The following ADGRL3 variants were observed in gnomAD, a reference collection of about 807,000 sequenced individuals.
The protein encoded by ADGRL3 is calcium-independent alpha-latrotoxin receptor 3.
In ADGRL3, 62 loss-of-function variants were observed where a neutral mutation model predicts 153.5. That is an observed-to-expected ratio of 0.40 (90% confidence interval 0.33 to 0.50). ADGRL3 has a LOEUF of 0.50. Among genes scored for constraint, ADGRL3 ranks in the 20% least tolerant of loss-of-function variants. The pLI is 0.47. For missense variants in ADGRL3, 1,641 were observed against 1,859.4 expected (o/e 0.88, Z 2.16); for synonymous variants, 710 against 672.5 (o/e 1.06, Z -0.86).
chr4:61,869,403 C>A (rs2098422232), intron 9 of ADGRL3, among the ~76,000 whole-genome samples: 1 of 150,506 alleles, frequency 6.6e-6, no homozygotes, highest in African/African-American at 2.4e-5. Context: ...TCGAGACCAT[C>A]CTGGCTAACA....
At chr4:61,910,757 T>A (rs1560362987) in intron 12 of ADGRL3, among the ~76,000 whole-genome samples, 1 of 151,750 alleles carries the variant, frequency 6.6e-6, no homozygotes, top group South Asian at 2.1e-4. Context: ...AAAATGACTC[T>A]GCAAAGTAGT....
At chr4:61,915,890 A>G (rs1224432363) in intron 13 of ADGRL3, among the ~76,000 whole-genome samples, 1 of 152,046 alleles carries the variant, frequency 6.6e-6, no homozygotes, top group African/African-American at 2.4e-5. Flanking sequence ...AAATAAGATG[A>G]TTTCTAAGTC....
chr4:61,855,360 G>A (rs1023345839), intron 9 of ADGRL3, among the ~76,000 whole-genome samples: 6 of 152,076 alleles, frequency 3.9e-5, no homozygotes. Context: ...TCATGTAGTT[G>A]ACTTAGTTTT....
chr4:61,649,970 C>T (rs1428958339), intron 5 of ADGRL3, among the ~76,000 whole-genome samples: 2 of 152,032 alleles, frequency 1.3e-5, no homozygotes, highest in Admixed American at 1.3e-4. Flanking sequence ...TCAGTGTTGC[C>T]TAGACTTTAC....
In ADGRL3 at chr4:61,885,865, TAGAC is replaced by T. The variant is rs1394418157; in HGVS notation, c.1481-6788_1481-6785del. On this transcript the variant is annotated intron_variant, in intron 9 of 26. Transcript: ENST00000683033. ...CCAAAACTTGTTGGGAGTACTAAAT[TAGAC>T]AGCACATATGTAAAACATTCAGGAC... 5.9e-5 allele frequency among the ~76,000 whole-genome samples: 9 copies of T among 152,242 alleles called. No individual in the cohort carries two copies. In the East Asian group the frequency reaches 1.2e-3, roughly 20 times the overall value.
At chr4:61,340,822 GTGTT>G (rs1298715867) in intron 1 of ADGRL3, among the ~76,000 whole-genome samples, 10 of 150,534 alleles carry the variant, frequency 6.6e-5, no homozygotes, top group African/African-American at 2.4e-4. Context: ...TTATGTGTGT[GTGTT>G]TGTGTATATA....
chr4:61,736,930 G>A (rs1020487112), intron 8 of ADGRL3, among the ~76,000 whole-genome samples: 12 of 152,294 alleles, frequency 7.9e-5, no homozygotes, highest in African/African-American at 2.9e-4. Flanking sequence ...CAGTTTAGAG[G>A]TGGAAAGAAT....
At chr4:61,748,386 G>T (rs1397045271) in intron 8 of ADGRL3, among the ~76,000 whole-genome samples, 1 of 151,424 alleles carries the variant, frequency 6.6e-6, no homozygotes, top group Non-Finnish European at 1.5e-5. Context: ...AACCAAAAAA[G>T]AGCCTGCATT....
At chr4:61,247,781 A>C (rs1009452229) in intron 1 of ADGRL3, among the ~76,000 whole-genome samples, 2 of 152,036 alleles carry the variant, frequency 1.3e-5, no homozygotes, top group African/African-American at 4.8e-5. Context: ...TTAGATATTA[A>C]AATGATACTC....
In ADGRL3 at chr4:62,073,581, T is replaced by G; in HGVS notation, c.*2673T>G. ...CAACTCTATCAGTAAGAAGCTGGTT[T>G]CACAGAAAAATGGGGAAACTACCTC... is the stretch of plus-strand genomic sequence containing the variant. On this transcript the variant is annotated 3_prime_UTR_variant, in exon 27 of 27. Coordinates refer to ENST00000683033, the MANE Select transcript of ADGRL3 (RefSeq NM_001387552.1). 6.6e-6 allele frequency: 1 copy of G among 152,138 alleles called. No individual in the cohort carries two copies. Among genetic ancestry groups the G allele is most frequent in the East Asian group, 1.9e-4 (1 of 5,192 alleles). 9.4% of individuals were successfully genotyped at this position (152,138 alleles called of 1,614,324 possible). A position where few individuals can be genotyped will look rare whatever the true frequency, so the allele number is the denominator to read the frequency against.
chr4:61,579,095 G>C (rs1274610071), intron 4 of ADGRL3, among the ~76,000 whole-genome samples: 1 of 151,992 alleles, frequency 6.6e-6, no homozygotes, highest in African/African-American at 2.4e-5. Flanking sequence ...GCTTCTGCTA[G>C]ACTCTTGGAA....
At chr4:62,007,383 T>TATATATATATATATACACAC (rs71213024) in intron 21 of ADGRL3, among the ~76,000 whole-genome samples, 3 of 30,782 alleles carry the variant, frequency 9.7e-5, no homozygotes, top group South Asian at 8.7e-4. Context: ...TATATATATA[T>TATATATATATATATACACAC]ACACACACAC....
At chr4:61,743,686 A>G (rs1489063811) in intron 8 of ADGRL3, among the ~76,000 whole-genome samples, 1 of 152,138 alleles carries the variant, frequency 6.6e-6, no homozygotes, top group African/African-American at 2.4e-5. Context: ...GTTTGTGGTG[A>G]GGTAAAGTGG....
chr4:61,670,035 CCTGTAATCCCAG>C (rs2094937783), intron 5 of ADGRL3, among the ~76,000 whole-genome samples: 1 of 152,152 alleles, frequency 6.6e-6, no homozygotes, highest in Non-Finnish European at 1.5e-5. Flanking sequence ...GTGGCTCATG[CCTGTAATCCCAG>C]CACTCTGGGA....
intron 13 of ADGRL3, among the ~76,000 whole-genome samples, chr4:61,925,544 G>C (rs1246411716): frequency 6.6e-6 from 1 of 152,122 alleles, no homozygotes; most frequent in Non-Finnish European, 1.5e-5. Flanking sequence ...ACTGGCATCT[G>C]CTTAGCTTCT....
intron 17 of ADGRL3, 89 bp from the exon 18 acceptor site, chr4:61,979,474 C>T: frequency 9.8e-7 from 1 of 1,021,706 alleles, no homozygotes; most frequent in South Asian, 1.3e-5. Flanking sequence ...TGCATTATTA[C>T]TATCATGCTT....
chr4:61,759,363 G>C (rs1427713302), intron 8 of ADGRL3, among the ~76,000 whole-genome samples: 1 of 152,080 alleles, frequency 6.6e-6, no homozygotes, highest in Non-Finnish European at 1.5e-5. Context: ...TGGAGGCTTT[G>C]TTCATTTCTT....
chr4:61,598,424 A>T (rs1413402928), intron 5 of ADGRL3, among the ~76,000 whole-genome samples: 1 of 152,226 alleles, frequency 6.6e-6, no homozygotes, highest in Non-Finnish European at 1.5e-5. Context: ...TACATATGTC[A>T]TAGCTGTAAT....
At chr4:61,557,555 C>G (rs1159088367) in intron 4 of ADGRL3, among the ~76,000 whole-genome samples, 2 of 152,118 alleles carry the variant, frequency 1.3e-5, no homozygotes, top group African/African-American at 2.4e-5. Context: ...ACTGCCTATT[C>G]CAGTGGATAG....
Sources: gnomAD v4.1 joint callset for allele counts (sites outside exome capture counted in the v4.1 genomes callset) on GRCh38, gnomAD v4.1.1 for gene constraint, MANE v1.5 for transcripts, NCBI Gene and HGNC (gene_info 2026-07-23, HGNC 2026-07-21) for gene names.